Variants in CHRM2 observed in about 807,000 individuals in gnomAD.
CHRM2 encodes the protein cholinergic receptor muscarinic 2, also known as muscarinic acetylcholine receptor M2.
CHRM2 carries 8 observed loss-of-function variants against 25.0 expected under a neutral mutation model. The ratio of observed to expected loss-of-function variants is 0.32; its 90% CI spans 0.19 to 0.58. The LOEUF is 0.58. Ranked by LOEUF, CHRM2 falls within the 20% of genes least tolerant of loss-of-function variation. The pLI, the probability that CHRM2 is intolerant of heterozygous loss-of-function variation, is 0.88. For synonymous variants in CHRM2, 202 were observed against 205.7 expected, an observed-to-expected ratio of 0.98 and a Z score of 0.15; for missense variants, 440 against 567.1, an observed-to-expected ratio of 0.78 and a Z score of 2.28.
At chr7:136,968,250 T>G (rs1246629127) in intron 2 of CHRM2, among the ~76,000 whole-genome samples, 1 of 151,948 alleles carries the variant, frequency 6.6e-6, no homozygotes, top group Non-Finnish European at 1.5e-5. Flanking sequence ...CCACAGCCTC[T>G]CAAATGACTG....
At chr7:136,936,455 CTAAATGGTCTGT>C (rs1423515117) in intron 2 of CHRM2, among the ~76,000 whole-genome samples, 1 of 152,064 alleles carries the variant, frequency 6.6e-6, no homozygotes, top group African/African-American at 2.4e-5. Context: ...TAATAGACAC[CTAAATGGTCTGT>C]TAAATGACTA....
intron 2 of CHRM2, among the ~76,000 whole-genome samples, chr7:136,942,009 T>C (rs1584795215): frequency 6.6e-6 from 1 of 152,042 alleles, no homozygotes; most frequent in East Asian, 1.9e-4. Context: ...GCTTGTGAGG[T>C]TTTATGAAAA....
At chr7:136,870,222 C>T (rs926992064) in intron 2 of CHRM2, 1 of 152,434 alleles carries the variant, frequency 6.6e-6, no homozygotes, top group Non-Finnish European at 1.5e-5. Context: ...TCCCCGGGGT[C>T]GTAGACTGGG....
In CHRM2 at chr7:137,014,816, G is replaced by A. The variant is rs1563127571; in HGVS notation, c.-46-4G>A. 3 of 1,435,428 alleles carry A rather than the reference G, an allele frequency of 2.1e-6. No homozygotes were observed. The highest frequency in any genetic ancestry group is 2.0e-6 in the Non-Finnish European group (2 of 1,020,604). The allele number at this position is 1,435,428 out of a possible 1,614,324, so 88.9% of individuals were successfully genotyped here. A position where few individuals can be genotyped will look rare whatever the true frequency, so the allele number is the denominator to read the frequency against. ...TTTGTTAATTTTATTCTATTTCCTT[G>A]CAGGTTTAAATGTTTATTTGCTACT... On this transcript the variant is annotated splice_region_variant and splice_polypyrimidine_tract_variant and intron_variant, in intron 3 of 3. Transcript: ENST00000680005.
intron 3 of CHRM2, among the ~76,000 whole-genome samples, chr7:136,996,923 G>T (rs954781820): frequency 6.6e-6 from 1 of 152,240 alleles, no homozygotes; most frequent in South Asian, 2.1e-4. Context: ...TTAAAAATTT[G>T]AAGAGTTAAG....
chr7:137,015,965 A>G lies in CHRM2; in HGVS notation c.1100A>G (p.Lys367Arg). 2 of 1,613,226 alleles carry G rather than the reference A, an allele frequency of 1.2e-6. No individual in the cohort carries two copies. Among genetic ancestry groups the G allele is most frequent in the Non-Finnish European group, 1.7e-6 (2 of 1,179,464 alleles). The change falls in exon 4 of 4, where the codon AAG (lysine) becomes AGG (arginine). Residue 367 changes from lysine to arginine, a missense_variant. By Grantham distance (26) the Lys-to-Arg change is conservative. Around this residue, in one of 5 missense-constraint regions of CHRM2, gnomAD observed 261 missense variants for 261.8 expected, o/e 1.00. Transcript: ENST00000680005. The surrounding 1 kb of genome is among the most constrained non-coding windows in gnomAD (Gnocchi z 5.1). ...AATATTGTAGCCCGCAAGATTGTGA[A>G]GATGACTAAGCAGCCTGCAAAAAAG... ...KQNIVARKIV[K>R]MTKQPAKKKP...
intron 2 of CHRM2, among the ~76,000 whole-genome samples, chr7:136,965,473 T>C (rs1801355770): frequency 1.3e-5 from 2 of 152,114 alleles, no homozygotes. Context: ...CAGCCTGTTT[T>C]ATTTTGCATA....
intron 2 of CHRM2, among the ~76,000 whole-genome samples, chr7:136,946,292 A>T: frequency 6.6e-6 from 1 of 152,216 alleles, no homozygotes; most frequent in East Asian, 1.9e-4. Context: ...ATATAAGCTG[A>T]TAAAATTATA....
intron 2 of CHRM2, among the ~76,000 whole-genome samples, chr7:136,987,605 C>T (rs1802944138): frequency 6.6e-6 from 1 of 152,206 alleles, no homozygotes; most frequent in African/African-American, 2.4e-5. Flanking sequence ...AGTTCATCTG[C>T]CACTGTGCTT....
intron 2 of CHRM2, among the ~76,000 whole-genome samples, chr7:136,983,745 C>T (rs1802648134): frequency 6.6e-6 from 1 of 152,192 alleles, no homozygotes; most frequent in Non-Finnish European, 1.5e-5. Flanking sequence ...ACCCTGTTTG[C>T]CTGGGTGTCA....
At chr7:136,897,697 G>GAA (rs35775059) in intron 2 of CHRM2, among the ~76,000 whole-genome samples, 33,046 of 147,892 alleles carry the variant, frequency 0.22, 4,706 homozygotes, top group Non-Finnish European at 0.32. Flanking sequence ...ACAGTCATGG[G>GAA]AAAAAAAAAA....
At chr7:137,000,671 ACTT>A (rs1381559301) in intron 3 of CHRM2, among the ~76,000 whole-genome samples, 6 of 150,948 alleles carry the variant, frequency 4.0e-5, no homozygotes, top group African/African-American at 1.2e-4. Flanking sequence ...CCTTTAAATC[ACTT>A]CTTCTTTCTA....
intron 3 of CHRM2, among the ~76,000 whole-genome samples, chr7:137,003,759 C>A (rs561286693): frequency 6.6e-6 from 1 of 152,066 alleles, no homozygotes; most frequent in Non-Finnish European, 1.5e-5. Flanking sequence ...TGTTCCCACC[C>A]AAACCTCATT....
intron 2 of CHRM2, chr7:136,870,626 G>A (rs1410653038): frequency 6.5e-6 from 1 of 152,706 alleles, no homozygotes; most frequent in Non-Finnish European, 1.5e-5. Flanking sequence ...GCTCTTGCAT[G>A]TACGGAAATA....
Position 137,016,078 on chromosome 7 carries a change from G to A in CHRM2, c.1213G>A (p.Val405Ile), listed in dbSNP as rs1454535869. 1 of 1,612,480 alleles carries A rather than the reference G, an allele frequency of 6.2e-7. No homozygotes were observed. Among genetic ancestry groups the A allele is most frequent in the Admixed American group, 1.7e-5 (1 of 59,842 alleles). Residue 405 changes from valine to isoleucine, a missense_variant, in exon 4 of 4, where the codon GTC becomes ATC. Physicochemically the swap from Val to Ile is conservative, Grantham distance 29. Transcript: ENST00000680005. The part of the protein sequence containing the change: ...AFIITWAPYN[V>I]MVLINTFCAP... The stretch of plus-strand genomic sequence containing the variant: ...CATCATCACTTGGGCCCCATACAAT[G>A]TCATGGTGCTCATTAACACCTTTTG...
chr7:137,011,212 T>TGA (rs1804787875), intron 3 of CHRM2, among the ~76,000 whole-genome samples: 2 of 135,456 alleles, frequency 1.5e-5, no homozygotes, highest in African/African-American at 6.7e-5. Context: ...TGTGTGTGTG[T>TGA]GTGTATATAT....
chr7:136,924,385 T>G, intron 2 of CHRM2, among the ~76,000 whole-genome samples: 1 of 90,966 alleles, frequency 1.1e-5, no homozygotes, highest in South Asian at 3.9e-4. Flanking sequence ...CAACAGGCCC[T>G]GATGTGTGAT....
intron 2 of CHRM2, among the ~76,000 whole-genome samples, chr7:136,948,153 C>T (rs1400690926): frequency 6.6e-6 from 1 of 152,008 alleles, no homozygotes; most frequent in Non-Finnish European, 1.5e-5. Context: ...GCCAGTGGCC[C>T]ACATCCACCA....
chr7:137,002,023 A>G (rs1222302381), intron 3 of CHRM2, among the ~76,000 whole-genome samples: 1 of 152,178 alleles, frequency 6.6e-6, no homozygotes, highest in East Asian at 1.9e-4. Context: ...GAATCTTGCT[A>G]AAAGGAATGA....
Sources: gnomAD v4.1 joint callset for allele counts (sites outside exome capture counted in the v4.1 genomes callset) on GRCh38, gnomAD v4.1.1 for gene constraint, gnomAD v4.1.1 regional missense constraint, Gnocchi (gnomAD v3.1) non-coding constraint, MANE v1.5 for transcripts, NCBI Gene and HGNC (gene_info 2026-07-23, HGNC 2026-07-21) for gene names.